Variants in CTNNA3 observed in about 807,000 individuals in gnomAD.
CTNNA3 encodes the protein catenin alpha-3.
In CTNNA3, 76 loss-of-function variants were observed where a neutral mutation model predicts 95.7. The observed-to-expected ratio is 0.79, with a 90% CI of 0.66 to 0.96. The LOEUF is 0.96. Among genes scored for constraint, CTNNA3 ranks in the 40% least tolerant of loss-of-function variants. The pLI is 0.00. For missense variants in CTNNA3, 1,191 were observed against 1,089.8 expected (o/e 1.09, Z -1.31); for synonymous variants, 431 against 374.4 (o/e 1.15, Z -1.74).
At chr10:66,115,035 A>T (rs941617992) in intron 13 of CTNNA3, among the ~76,000 whole-genome samples, 2 of 151,892 alleles carry the variant, frequency 1.3e-5, no homozygotes, top group African/African-American at 4.8e-5. Flanking sequence ...TATCATAAGG[A>T]AAAAAAACAA....
chr10:66,388,051 A>G (rs2092907494), intron 11 of CTNNA3, among the ~76,000 whole-genome samples: 1 of 152,142 alleles, frequency 6.6e-6, no homozygotes, highest in African/African-American at 2.4e-5. Context: ...CTATGTATCA[A>G]ACCTACATGT....
intron 7 of CTNNA3, among the ~76,000 whole-genome samples, chr10:66,898,659 C>G (rs1198768279): frequency 3.3e-5 from 5 of 152,114 alleles, no homozygotes; most frequent in African/African-American, 4.8e-5. Flanking sequence ...AAAACTGGAT[C>G]CTTACCTCAC....
At chr10:67,206,934 C>T (rs1329307809) in intron 6 of CTNNA3, among the ~76,000 whole-genome samples, 1 of 152,014 alleles carries the variant, frequency 6.6e-6, no homozygotes, top group Non-Finnish European at 1.5e-5. Flanking sequence ...CGTTCGAGAC[C>T]AGCTAAGCCA....
Position 65,912,571 on chromosome 10 carries a change from T to A in CTNNA3, c.*7759A>T, listed in dbSNP as rs941565841. The A allele has an allele frequency of 1.8e-4, 28 of 152,292 alleles. No homozygotes were observed. The highest frequency in any genetic ancestry group is 1.8e-3 in the Admixed American group (28 of 15,278). 9.4% of individuals were successfully genotyped at this position (152,292 alleles called of 1,614,324 possible). On this transcript the variant is annotated 3_prime_UTR_variant, in exon 18 of 18. Transcript: ENST00000433211. ...TATTGCTTTAACACACATTTTAATTTTCAGTTGAACAAATTCTTAATGAGC... is the reference window on the plus strand; with the variant it reads ...TATTGCTTTAACACACATTTTAATTATCAGTTGAACAAATTCTTAATGAGC...
chr10:66,736,190 A>C (rs1190091219), intron 9 of CTNNA3, among the ~76,000 whole-genome samples: 1 of 151,150 alleles, frequency 6.6e-6, no homozygotes, highest in Non-Finnish European at 1.5e-5. Flanking sequence ...AGTGACGAAT[A>C]CTTTTTTTTT....
At chr10:66,748,272 G>T (rs761862889) in intron 9 of CTNNA3, among the ~76,000 whole-genome samples, 1 of 152,118 alleles carries the variant, frequency 6.6e-6, no homozygotes, top group Non-Finnish European at 1.5e-5. Flanking sequence ...AAGCAATTCC[G>T]CAGACATTTT....
chr10:65,978,444 T>C (rs200041637), intron 16 of CTNNA3, among the ~76,000 whole-genome samples: 1 of 151,764 alleles, frequency 6.6e-6, no homozygotes, highest in South Asian at 2.1e-4. Flanking sequence ...TTTTTTTTCC[T>C]TGCACGTGTT....
chr10:67,568,662 T>C (rs1392506171), intron 3 of CTNNA3, among the ~76,000 whole-genome samples: 2 of 152,100 alleles, frequency 1.3e-5, no homozygotes, highest in Non-Finnish European at 2.9e-5. Flanking sequence ...TGAAAGAGCT[T>C]TTGAAACTCA....
chr10:66,699,688 T>C (rs1847880148), intron 9 of CTNNA3, among the ~76,000 whole-genome samples: 1 of 149,198 alleles, frequency 6.7e-6, no homozygotes, highest in African/African-American at 2.5e-5. Flanking sequence ...TGAGATGGAG[T>C]TTTGCTCTTG....
At chr10:66,925,783 G>A in intron 7 of CTNNA3, 1 of 293,872 alleles carries the variant, frequency 3.4e-6, no homozygotes, top group Non-Finnish European at 6.8e-6. Flanking sequence ...CACATGTTTA[G>A]CAATTAAGTG....
rs147363101 is a variant in CTNNA3 at position 66,117,315 on chromosome 10, A to G, written c.1885-14066T>C. On this transcript the variant is annotated intron_variant, in intron 13 of 17. Transcript: ENST00000433211. ...AAATGCCTATATGAACTCTTATTAC[A>G]TAGTGTAACATTGTTTGGCAAAATA... Among the ~76,000 whole-genome samples the G allele has an allele frequency of 6.8e-3, 1,035 of 152,344 alleles. 6 individuals are homozygous for G. Among genetic ancestry groups the G allele is most frequent in the Non-Finnish European group, 9.4e-3 (640 of 68,022 alleles).
intron 14 of CTNNA3, among the ~76,000 whole-genome samples, chr10:66,077,187 T>C (rs1362747706): frequency 6.6e-6 from 1 of 151,752 alleles, no homozygotes; most frequent in Non-Finnish European, 1.5e-5. Context: ...TCAAATTACT[T>C]TGATGTAGTT....
intron 1 of CTNNA3, among the ~76,000 whole-genome samples, chr10:67,724,060 G>C (rs1192751987): frequency 6.6e-6 from 1 of 152,158 alleles, no homozygotes; most frequent in East Asian, 1.9e-4. Context: ...TGATGCCCCA[G>C]CTGGGCTCAG....
chr10:67,341,227 A>C (rs566322309), intron 5 of CTNNA3, among the ~76,000 whole-genome samples: 2 of 152,286 alleles, frequency 1.3e-5, no homozygotes, highest in South Asian at 2.1e-4. Context: ...AGAATGTATA[A>C]TTAAATTATT....
intron 17 of CTNNA3, among the ~76,000 whole-genome samples, chr10:65,954,786 T>C (rs1284292841): frequency 6.6e-6 from 1 of 152,222 alleles, no homozygotes; most frequent in Non-Finnish European, 1.5e-5. Context: ...TTGGTTACTG[T>C]AGCCTTGTAG....
chr10:67,090,812 C>A (rs1358183089), intron 7 of CTNNA3, among the ~76,000 whole-genome samples: 2 of 152,014 alleles, frequency 1.3e-5, no homozygotes, highest in Non-Finnish European at 2.9e-5. Flanking sequence ...CTGCAGAAAT[C>A]CTAAAGAAAC....
At chr10:66,043,153 A>G (rs527858121) in intron 15 of CTNNA3, among the ~76,000 whole-genome samples, 10,897 of 130,740 alleles carry the variant, frequency 0.083, 413 homozygotes, top group Non-Finnish European at 0.1. Flanking sequence ...AAAAAAAAAA[A>G]AGAGAGAGAG....
At chr10:66,565,126 T>C (rs543173052) in intron 10 of CTNNA3, among the ~76,000 whole-genome samples, 24 of 152,240 alleles carry the variant, frequency 1.6e-4, no homozygotes, top group African/African-American at 5.8e-4. Context: ...CTTGGAGTAA[T>C]GACATTGTAA....
At chr10:66,135,282 G>A (rs968504043) in intron 13 of CTNNA3, among the ~76,000 whole-genome samples, 1 of 152,112 alleles carries the variant, frequency 6.6e-6, no homozygotes, top group African/African-American at 2.4e-5. Context: ...CTAAGGTAAT[G>A]TGTGCAATGA....
Sources: gnomAD v4.1 joint callset for allele counts (sites outside exome capture counted in the v4.1 genomes callset) on GRCh38, gnomAD v4.1.1 for gene constraint, MANE v1.5 for transcripts, NCBI Gene and HGNC (gene_info 2026-07-23, HGNC 2026-07-21) for gene names.